STYK1: variants seen among roughly 807,000 people sequenced by gnomAD.
STYK1 encodes tyrosine-protein kinase STYK1.
Under a neutral mutation model 48.1 loss-of-function variants are expected in STYK1, and 46 were observed. The observed-to-expected ratio is 0.96, with a 90% CI of 0.75 to 1.22. The LOEUF (loss-of-function observed/expected upper bound fraction) is 1.22. Ranked by LOEUF, STYK1 falls within the 50% of genes most tolerant of loss-of-function variation. The pLI is 0.00. For synonymous variants in STYK1, 188 were observed against 189.0 expected (o/e 0.99, Z 0.04); for missense variants, 527 against 521.1 (o/e 1.01, Z -0.11).
intron 9 of STYK1, among the ~76,000 whole-genome samples, 165 bp downstream of exon 9, chr12:10,622,473 C>T (rs557762693): frequency 1.3e-5 from 2 of 152,266 alleles, no homozygotes; most frequent in African/African-American, 4.8e-5. Flanking sequence ...AAAATAATCA[C>T]TTTATATGAC....
At chr12:10,659,953 C>G (rs565118044) in intron 1 of STYK1, among the ~76,000 whole-genome samples, 25 of 152,250 alleles carry the variant, frequency 1.6e-4, no homozygotes, top group African/African-American at 5.5e-4. Context: ...TAGACTGACC[C>G]TGCTTATTCC....
chr12:10,637,669 T>C (rs534374528), intron 1 of STYK1, among the ~76,000 whole-genome samples: 1 of 152,304 alleles, frequency 6.6e-6, no homozygotes, highest in Middle Eastern at 3.4e-3. Context: ...GCATACACAC[T>C]GGGCATACCC....
At chr12:10,667,864 T>C (rs969367005) in intron 1 of STYK1, among the ~76,000 whole-genome samples, 1 of 152,086 alleles carries the variant, frequency 6.6e-6, no homozygotes, top group African/African-American at 2.4e-5. Context: ...CACAATATGA[T>C]AGGGCTGAAC....
chr12:10,648,269 T>TA (rs1947622451), intron 1 of STYK1, among the ~76,000 whole-genome samples: 1 of 152,056 alleles, frequency 6.6e-6, no homozygotes, highest in Admixed American at 6.5e-5. Flanking sequence ...TTAAGAGACA[T>TA]AAAAAACTTA....
At chr12:10,630,576 T>G (rs1027795499) in intron 5 of STYK1, among the ~76,000 whole-genome samples, 1 of 150,210 alleles carries the variant, frequency 6.7e-6, no homozygotes, top group Non-Finnish European at 1.5e-5. Flanking sequence ...GAATCTAGGA[T>G]GCAAAGATGT....
chr12:10,660,677 C>T (rs1038927100), intron 1 of STYK1, among the ~76,000 whole-genome samples: 3 of 152,182 alleles, frequency 2.0e-5, no homozygotes, highest in African/African-American at 7.2e-5. Flanking sequence ...CCCACCTAAA[C>T]CAAGATGGCC....
At chr12:10,647,057 G>A (rs1346548474) in intron 1 of STYK1, among the ~76,000 whole-genome samples, 8 of 152,252 alleles carry the variant, frequency 5.3e-5, no homozygotes, top group Admixed American at 6.5e-5. Context: ...TGCTAGGGCA[G>A]TGCAGAAGGG....
chr12:10,625,419 A>G (rs551947125), intron 7 of STYK1, among the ~76,000 whole-genome samples: 29 of 152,118 alleles, frequency 1.9e-4, no homozygotes, highest in Middle Eastern at 3.4e-3. Context: ...GGGTTTCACC[A>G]TGTTAGCCAG....
At chr12:10,670,970 A>G (rs993097488) in intron 1 of STYK1, among the ~76,000 whole-genome samples, 1 of 149,018 alleles carries the variant, frequency 6.7e-6, no homozygotes, top group African/African-American at 2.5e-5. Context: ...CCATGTCCTA[A>G]TCTCCAGAAC....
Position 10,624,855 on chromosome 12 carries a change from A to T in STYK1, c.722T>A (p.Phe241Tyr), listed in dbSNP as rs1947338785. Residue 241 changes from phenylalanine (F) to tyrosine (Y), a missense_variant, in exon 8 of 11, where the codon TTC becomes TAC. Transcript: ENST00000075503. ...ATGGAACAAATGCTTCTCCTGCAGG[A>T]ATTCCTGTCAAGATAAAATCAAATA... ...IGKQVLLALE[F>Y]LQEKHLFHGD... 4 of 1,614,012 alleles carry T rather than the reference A, an allele frequency of 2.5e-6. No individual in the cohort carries two copies. The highest frequency in any genetic ancestry group is 2.5e-6 in the Non-Finnish European group (3 of 1,179,920).
chr12:10,642,800 CA>C (rs1254492385), intron 1 of STYK1, among the ~76,000 whole-genome samples: 2 of 152,008 alleles, frequency 1.3e-5, no homozygotes, highest in African/African-American at 4.8e-5. Context: ...AGATTTAAAC[CA>C]GATAAATCAA....
chr12:10,665,441 ACCT>A (rs1203706759), intron 1 of STYK1, among the ~76,000 whole-genome samples: 1 of 152,080 alleles, frequency 6.6e-6, no homozygotes, highest in Non-Finnish European at 1.5e-5. Flanking sequence ...GAGTTCAGAC[ACCT>A]CCCAGCAGTT....
chr12:10,662,287 GT>G (rs1165802530), intron 1 of STYK1, among the ~76,000 whole-genome samples: 1 of 152,200 alleles, frequency 6.6e-6, no homozygotes, highest in Non-Finnish European at 1.5e-5. Flanking sequence ...CATTTGGATA[GT>G]TTTCACTTTT....
chr12:10,665,583 C>T (rs7953930), intron 1 of STYK1, among the ~76,000 whole-genome samples: 3 of 151,972 alleles, frequency 2.0e-5, no homozygotes, highest in Middle Eastern at 6.8e-3. Context: ...GGATGAGAAC[C>T]AGGAAGAAGA....
At chr12:10,635,348 A>T (rs746932943) in intron 2 of STYK1, among the ~76,000 whole-genome samples, 1 of 152,246 alleles carries the variant, frequency 6.6e-6, no homozygotes, top group Non-Finnish European at 1.5e-5. Context: ...TAAAAAATTG[A>T]CAGATGTCGA....
intron 1 of STYK1, among the ~76,000 whole-genome samples, chr12:10,645,567 T>G (rs1198481292): frequency 1.3e-5 from 2 of 152,066 alleles, no homozygotes; most frequent in South Asian, 2.1e-4. Context: ...AACAGAGAGA[T>G]AGATTAATAG....
intron 8 of STYK1, among the ~76,000 whole-genome samples, chr12:10,623,998 A>G (rs1993500): frequency 0.58 from 88,463 of 151,876 alleles, 27,164 homozygotes; most frequent in East Asian, 0.79. Flanking sequence ...TTAACAATGT[A>G]TGGGTTAACT....
In STYK1 at chr12:10,631,271, C is replaced by T. The variant is rs1947425778; in HGVS notation, c.225G>A (p.Trp75Ter). 2.5e-6 allele frequency: 4 copies of T among 1,614,080 alleles called. No homozygotes were observed. The highest frequency in any genetic ancestry group is 1.7e-5 in the Admixed American group (1 of 60,004). Residue 75 changes from tryptophan (W) to a stop codon, truncating the protein, a stop_gained, in exon 5 of 11, where the codon TGG becomes TGA. Transcript: ENST00000075503. LOFTEE classifies it high-confidence loss of function. Reference protein sequence around the residue: ...APVPPPRDLSWEAGHGGNVAL... With the variant: ...APVPPPRDLS ...CCACATTTCCTCCATGTCCTGCTTC[C>T]CAGCTTAGGTCCCTAGGTGGAGGAA...
intron 4 of STYK1, among the ~76,000 whole-genome samples, chr12:10,633,355 T>C (rs1317672360): frequency 1.3e-5 from 2 of 152,244 alleles, no homozygotes; most frequent in Non-Finnish European, 1.5e-5. Flanking sequence ...AGAAGTTTTC[T>C]ATAAAAGTGA....
Sources: allele counts gnomAD v4.1 joint callset (sites outside exome capture counted in the v4.1 genomes callset), GRCh38; gene constraint gnomAD v4.1.1; transcripts MANE v1.5; gene names NCBI Gene and HGNC (gene_info 2026-07-23, HGNC 2026-07-21).